The following EXOC4 variants were observed in gnomAD, a reference collection of about 807,000 sequenced individuals.
The protein encoded by EXOC4 is SEC8-like 1.
EXOC4 carries 71 observed loss-of-function variants against 107.2 expected under a neutral mutation model. That is an observed-to-expected ratio of 0.66 (90% CI 0.55 to 0.81). The LOEUF is 0.81. EXOC4 is among the 30% of genes least tolerant of loss of function. The pLI is 0.00. For missense variants in EXOC4, 1,108 were observed against 1,189.6 expected, an observed-to-expected ratio of 0.93 and a Z score of 1.01; for synonymous variants, 456 against 441.2, an observed-to-expected ratio of 1.03 and a Z score of -0.42.
intron 10 of EXOC4, among the ~76,000 whole-genome samples, chr7:133,716,060 T>C (rs1320246831): frequency 2.0e-5 from 3 of 152,256 alleles, no homozygotes; most frequent in East Asian, 3.9e-4. Flanking sequence ...TTTTCCTGCT[T>C]CTTTAAATTA....
At chr7:133,913,170 C>G (rs1241228979) in intron 12 of EXOC4, among the ~76,000 whole-genome samples, 1 of 152,108 alleles carries the variant, frequency 6.6e-6, no homozygotes, top group Non-Finnish European at 1.5e-5. Context: ...GTAGTGTGTT[C>G]AACCAGCATG....
chr7:133,798,444 CA>C (rs61483186), intron 10 of EXOC4, among the ~76,000 whole-genome samples: 127,859 of 151,852 alleles, frequency 0.84, 54,207 homozygotes, highest in East Asian at 0.99. Flanking sequence ...AAGAAATAAA[CA>C]AAGGAATTAC....
rs534288976 is a variant in EXOC4 at position 133,497,776 on chromosome 7, C to T, written c.1417+17638C>T. ...GTCTGGGAATCGAACCCTGGTCTCC[C>T]GCGTGACAGGCAGGGATATCACTAT... On this transcript the variant is annotated intron_variant, in intron 9 of 17. Coordinates refer to ENST00000253861, the MANE Select transcript of EXOC4 (RefSeq NM_021807.4). Among the ~76,000 whole-genome samples, 34 of 152,136 alleles carry T rather than the reference C, an allele frequency of 2.2e-4. No homozygotes were observed. The South Asian group carries it at 5.6e-3, about 25-fold the overall frequency.
At chr7:133,472,019 GA>G (rs760090037) in intron 7 of EXOC4, among the ~76,000 whole-genome samples, 14 of 152,210 alleles carry the variant, frequency 9.2e-5, no homozygotes, top group Non-Finnish European at 1.9e-4. Context: ...ATTTATTTAG[GA>G]GAGAAGGTAA....
chr7:134,017,400 T>A (rs1003689580), intron 17 of EXOC4, among the ~76,000 whole-genome samples: 2 of 152,206 alleles, frequency 1.3e-5, no homozygotes, highest in Non-Finnish European at 2.9e-5. Context: ...TTACATGGCT[T>A]CCACTGCCAG....
intron 5 of EXOC4, among the ~76,000 whole-genome samples, chr7:133,343,405 C>A (rs1368605864): frequency 2.6e-5 from 4 of 151,904 alleles, no homozygotes; most frequent in Non-Finnish European, 5.9e-5. Context: ...GGTCTCTCAG[C>A]CAGCACTTGC....
intron 11 of EXOC4, among the ~76,000 whole-genome samples, chr7:133,832,277 A>T (rs539086091): frequency 1.2e-4 from 18 of 152,340 alleles, no homozygotes; most frequent in South Asian, 4.1e-4. Flanking sequence ...CACATTCTGC[A>T]CTAAATCCTA....
chr7:133,954,037 A>G (rs377601286), intron 14 of EXOC4, among the ~76,000 whole-genome samples: 44 of 152,352 alleles, frequency 2.9e-4, no homozygotes, highest in Middle Eastern at 3.4e-3. Flanking sequence ...AAAATTTTCA[A>G]CATTTTGTAA....
At chr7:133,848,836 A>G (rs886962356) in intron 11 of EXOC4, among the ~76,000 whole-genome samples, 1 of 152,196 alleles carries the variant, frequency 6.6e-6, no homozygotes, top group Non-Finnish European at 1.5e-5. Flanking sequence ...ATTTGGGAGC[A>G]TCAGGACATT....
chr7:133,634,566 T>C (rs1394906775), intron 10 of EXOC4, among the ~76,000 whole-genome samples: 1 of 152,142 alleles, frequency 6.6e-6, no homozygotes, highest in Non-Finnish European at 1.5e-5. Flanking sequence ...CTCGGCTCAC[T>C]GCAAACTCTG....
At chr7:133,838,097 A>G (rs1041548970) in intron 11 of EXOC4, among the ~76,000 whole-genome samples, 25 of 152,200 alleles carry the variant, frequency 1.6e-4, no homozygotes, top group Non-Finnish European at 3.4e-4. Context: ...CTTATTGGAA[A>G]AACAATTTTC....
chr7:133,966,420 G>A (rs1328763945), intron 14 of EXOC4, among the ~76,000 whole-genome samples: 1 of 152,208 alleles, frequency 6.6e-6, no homozygotes. Context: ...CAGAGGGAAT[G>A]CTTCCAGCTT....
chr7:133,992,192 G>C (rs1241965973), intron 14 of EXOC4, among the ~76,000 whole-genome samples: 1 of 151,864 alleles, frequency 6.6e-6, no homozygotes, highest in South Asian at 2.1e-4. Flanking sequence ...TTTATTCGTA[G>C]GTTTTTCTTA....
intron 6 of EXOC4, among the ~76,000 whole-genome samples, chr7:133,370,089 G>A (rs950677444): frequency 1.3e-5 from 2 of 151,874 alleles, no homozygotes; most frequent in African/African-American, 4.8e-5. Flanking sequence ...ACTGTGCCTG[G>A]CCTCCTTCCA....
intron 9 of EXOC4, among the ~76,000 whole-genome samples, chr7:133,571,464 C>T (rs1801022064): frequency 6.6e-6 from 1 of 152,094 alleles, no homozygotes; most frequent in Admixed American, 6.5e-5. Flanking sequence ...CACCTGAGGT[C>T]AGGAGTTTGA....
At chr7:134,100,069 A>G in the EXOC4 span, among the ~76,000 whole-genome samples, 1 of 152,028 alleles carries the variant, frequency 6.6e-6, no homozygotes, top group African/African-American at 2.4e-5. Context: ...AAAGGCTACC[A>G]TGTCACATAA....
intron 9 of EXOC4, among the ~76,000 whole-genome samples, chr7:133,599,868 A>G (rs1474150520): frequency 6.8e-6 from 1 of 147,110 alleles, no homozygotes; most frequent in Non-Finnish European, 1.5e-5. Flanking sequence ...TGGAGCAAGT[A>G]TTAGAAATTG....
chr7:133,861,296 C>T lies in EXOC4; in HGVS notation c.1735-34303C>T, dbSNP rs1376885374. 2.6e-5 allele frequency among the ~76,000 whole-genome samples: 4 copies of T among 152,202 alleles called. No homozygotes were observed. In the South Asian group the frequency reaches 8.3e-4, roughly 32 times the overall value. On this transcript the variant is annotated intron_variant, in intron 11 of 17. Coordinates refer to ENST00000253861, the MANE Select transcript of EXOC4 (RefSeq NM_021807.4). Reference sequence around the variant, plus strand: ...ACCTTGTTTAAAAATGGAAAAACTACCTATTAGGTACTATGCTAGTTACCT... The same window carrying T: ...ACCTTGTTTAAAAATGGAAAAACTATCTATTAGGTACTATGCTAGTTACCT...
At chr7:133,862,397 C>T (rs762979172) in intron 11 of EXOC4, among the ~76,000 whole-genome samples, 1 of 152,070 alleles carries the variant, frequency 6.6e-6, no homozygotes, top group Non-Finnish European at 1.5e-5. Context: ...GCAGGAGAAT[C>T]GCTTGAACCC....
Sources: gnomAD v4.1 joint callset for allele counts (sites outside exome capture counted in the v4.1 genomes callset) on GRCh38, gnomAD v4.1.1 for gene constraint, MANE v1.5 for transcripts, NCBI Gene and HGNC (gene_info 2026-07-23, HGNC 2026-07-21) for gene names.